Variants in LAMB4 observed in about 807,000 individuals in gnomAD.
The protein encoded by LAMB4 is laminin subunit beta 4.
LAMB4 carries 196 observed loss-of-function variants against 199.2 expected under a neutral mutation model. The ratio of observed to expected loss-of-function variants is 0.98; its 90% confidence interval spans 0.88 to 1.11. LAMB4 has a LOEUF of 1.11. Among genes scored for constraint, LAMB4 ranks in the 50% least tolerant of loss-of-function variants. The pLI is 0.00. For missense variants in LAMB4, 2,080 were observed against 2,171.2 expected, an observed-to-expected ratio of 0.96 and a Z score of 0.83; for synonymous variants, 744 against 770.6, an observed-to-expected ratio of 0.97 and a Z score of 0.57.
At chr7:108,089,233 G>A (rs1482899116) in intron 14 of LAMB4, among the ~76,000 whole-genome samples, 1 of 152,118 alleles carries the variant, frequency 6.6e-6, no homozygotes, top group African/African-American at 2.4e-5. Flanking sequence ...ACATGGTGCA[G>A]TATCTACTGA....
chr7:108,123,223 A>G, intron 1 of LAMB4, 26 bp from the exon 2 acceptor site: 1 of 1,374,002 alleles, frequency 7.3e-7, no homozygotes, highest in South Asian at 1.2e-5. Flanking sequence ...GTTAAAGTCA[A>G]TCACTGATAG....
At chr7:108,104,666 G>A (rs1251250864) in intron 8 of LAMB4, 47 bp from the exon 9 acceptor site, 6 of 1,593,908 alleles carry the variant, frequency 3.8e-6, no homozygotes, top group South Asian at 1.1e-5. Flanking sequence ...TTGTCCTTGG[G>A]GACGTTGGGG....
intron 5 of LAMB4, among the ~76,000 whole-genome samples, chr7:108,108,572 T>C (rs2038107375): frequency 1.3e-5 from 2 of 152,162 alleles, no homozygotes; most frequent in Non-Finnish European, 1.5e-5. Context: ...TCTGTACTTA[T>C]CACTTTGTAT....
intron 11 of LAMB4, among the ~76,000 whole-genome samples, chr7:108,096,182 C>T (rs937881406): frequency 6.6e-6 from 1 of 152,130 alleles, no homozygotes; most frequent in Non-Finnish European, 1.5e-5. Context: ...CCCTCTAATC[C>T]CTAGCAACCA....
intron 29 of LAMB4, among the ~76,000 whole-genome samples, chr7:108,040,246 C>T (rs764137314): frequency 6.6e-5 from 10 of 152,092 alleles, no homozygotes; most frequent in Non-Finnish European, 1.0e-4. Flanking sequence ...AAACACTGCG[C>T]AAAGAATCCA....
intron 21 of LAMB4, among the ~76,000 whole-genome samples, chr7:108,064,893 CT>C (rs59452561): frequency 0.19 from 26,744 of 138,592 alleles, 7,087 homozygotes; most frequent in African/African-American, 0.61. Context: ...GTGTAAATAC[CT>C]TTTTTTTTTT....
intron 33 of LAMB4, chr7:108,026,668 C>G (rs1584576585): frequency 4.4e-6 from 1 of 226,104 alleles, no homozygotes; most frequent in East Asian, 1.2e-4. Flanking sequence ...CGCATGCTTT[C>G]TGTTTCTTGC....
At chr7:108,064,041 G>T in intron 21 of LAMB4, 56 bp from the exon 22 acceptor site, 1 of 1,227,764 alleles carries the variant, frequency 8.1e-7, no homozygotes, top group South Asian at 1.2e-5. Context: ...TGGGAGAGAG[G>T]AGGAGATGGA....
intron 13 of LAMB4, 23 bp downstream of exon 13, chr7:108,092,314 G>T (rs761392005): frequency 1.9e-6 from 3 of 1,564,436 alleles, no homozygotes; most frequent in Non-Finnish European, 2.6e-6. Flanking sequence ...AAGGAATATT[G>T]CTATAAAACT....
chr7:108,111,788 C>T, intron 4 of LAMB4, 23 bp downstream of exon 4: 1 of 1,602,472 alleles, frequency 6.2e-7, no homozygotes, highest in Non-Finnish European at 8.5e-7. Context: ...AAATAAACAA[C>T]TGGAAAGGAA....
At chr7:108,042,359 C>T (rs968521126) in intron 29 of LAMB4, among the ~76,000 whole-genome samples, 12 of 151,802 alleles carry the variant, frequency 7.9e-5, no homozygotes, top group East Asian at 1.9e-4. Context: ...TTATTAGAAA[C>T]GTATTCAGTA....
intron 17 of LAMB4, among the ~76,000 whole-genome samples, chr7:108,074,625 T>C (rs1473138240): frequency 6.6e-6 from 1 of 152,162 alleles, no homozygotes; most frequent in Non-Finnish European, 1.5e-5. Flanking sequence ...TGCCTCAGCC[T>C]CTTAAAGTGC....
Position 108,111,821 on chromosome 7 carries a change from T to C in LAMB4, c.318A>G (p.Gln106=). Residue 106 remains glutamine (Q), a synonymous_variant, in exon 4 of 34, where the codon CAA becomes CAG. Coordinates refer to ENST00000388781, the MANE Select transcript of LAMB4 (RefSeq NM_007356.3). Reference sequence around the variant, plus strand: ...GAACTTAAATCATACCATTTTCAGATTGCCACCATTTCTTTTCTCTGTCTG... The same window carrying C: ...GAACTTAAATCATACCATTTTCAGACTGCCACCATTTCTTTTCTCTGTCTG... The part of the protein sequence containing the change: ...FEPDREKKWW[Q]SENGLDHVSI... 1 of 1,611,626 alleles carries C rather than the reference T, an allele frequency of 6.2e-7. No homozygotes were observed.
chr7:108,102,216 C>A (rs1475788369), intron 10 of LAMB4, among the ~76,000 whole-genome samples: 1 of 152,138 alleles, frequency 6.6e-6, no homozygotes, highest in African/African-American at 2.4e-5. Flanking sequence ...AAAGGAAAAA[C>A]TTCTATAAGA....
intron 26 of LAMB4, among the ~76,000 whole-genome samples, chr7:108,051,170 A>T (rs1235341442): frequency 1.3e-5 from 2 of 152,240 alleles, no homozygotes; most frequent in Non-Finnish European, 2.9e-5. Flanking sequence ...CTAGATTAGG[A>T]ATCAGAGTAG....
intron 10 of LAMB4, 77 bp downstream of exon 10, chr7:108,102,967 G>A: frequency 6.2e-6 from 8 of 1,296,966 alleles, no homozygotes; most frequent in Non-Finnish European, 8.4e-6. Context: ...AGCAGATAAG[G>A]TGCGGGCAGC....
chr7:108,123,045 C>T (rs2038654128), intron 2 of LAMB4, 86 bp downstream of exon 2: 2 of 1,209,230 alleles, frequency 1.7e-6, no homozygotes, highest in South Asian at 1.4e-5. Flanking sequence ...CTATAGAAGA[C>T]AGAAGTGAAT....
chr7:108,056,026 G>A lies in LAMB4; in HGVS notation c.3380-19C>T. ...TCACATGCTAAAAAGGAAAACAGAA[G>A]GAGCAGAGAATGTCACTGGGCCTTT... is the stretch of plus-strand genomic sequence containing the variant. On this transcript the variant is annotated intron_variant, in intron 24 of 33. Transcript: ENST00000388781. 1 of 1,585,184 alleles carries A rather than the reference G, an allele frequency of 6.3e-7. No homozygotes were observed. Among genetic ancestry groups the A allele is most frequent in the Non-Finnish European group, 8.6e-7 (1 of 1,165,078 alleles).
chr7:108,084,816 G>T (rs952007795), intron 14 of LAMB4, among the ~76,000 whole-genome samples: 3 of 134,122 alleles, frequency 2.2e-5, no homozygotes, highest in African/African-American at 8.9e-5. Context: ...TTTTGAGACA[G>T]GGTCTCGCTC....
Sources: allele counts gnomAD v4.1 joint callset (sites outside exome capture counted in the v4.1 genomes callset), GRCh38; gene constraint gnomAD v4.1.1; transcripts MANE v1.5; gene names NCBI Gene and HGNC (gene_info 2026-07-23, HGNC 2026-07-21).